Variants in TNFRSF1B observed in about 807,000 individuals in gnomAD.
TNFRSF1B encodes the protein TNF receptor superfamily member 1B, also known as tumor necrosis factor receptor superfamily member 1B.
A neutral mutation model predicts 44.6 loss-of-function variants in TNFRSF1B; 19 were observed. The ratio of observed to expected loss-of-function variants is 0.43; its 90% CI spans 0.30 to 0.62. The LOEUF is 0.62. TNFRSF1B is among the 20% of genes least tolerant of loss of function. TNFRSF1B has a pLI of 0.16. For synonymous variants in TNFRSF1B, 252 were observed against 261.1 expected, an observed-to-expected ratio of 0.97 and a Z score of 0.34; for missense variants, 541 against 619.9, an observed-to-expected ratio of 0.87 and a Z score of 1.35.
intron 1 of TNFRSF1B, among the ~76,000 whole-genome samples, chr1:12,183,728 TCTA>T (rs1557629154): frequency 7.3e-5 from 9 of 124,122 alleles, no homozygotes; most frequent in East Asian, 4.5e-4. Context: ...TACCTATCTA[TCTA>T]TCTATCTATC....
intron 1 of TNFRSF1B, 45 bp from the exon 2 acceptor site, chr1:12,188,751 C>T (rs1487185071): frequency 6.3e-7 from 1 of 1,585,222 alleles, no homozygotes. Flanking sequence ...ATGGCAGAAC[C>T]CAGGGGCGGC....
At chr1:12,189,309 A>C (rs1639058849) in intron 2 of TNFRSF1B, among the ~76,000 whole-genome samples, 1 of 152,160 alleles carries the variant, frequency 6.6e-6, no homozygotes, top group Non-Finnish European at 1.5e-5. Flanking sequence ...TTCCCATGGA[A>C]GCTCTTTCCT....
chr1:12,194,950 C>G (rs1489919864), intron 8 of TNFRSF1B, among the ~76,000 whole-genome samples: 2 of 152,230 alleles, frequency 1.3e-5, no homozygotes, highest in Admixed American at 6.5e-5. Flanking sequence ...TCTGCTCGAT[C>G]CAGCCTGCAG....
chr1:12,201,928 G>A, intron 8 of TNFRSF1B, 39 bp from the exon 9 acceptor site: 2 of 1,541,350 alleles, frequency 1.3e-6, no homozygotes, highest in South Asian at 1.2e-5. Context: ...GCTGGCTGGT[G>A]GGCTGACTGC....
intron 1 of TNFRSF1B, among the ~76,000 whole-genome samples, chr1:12,176,277 C>A (rs1439790814): frequency 6.6e-6 from 1 of 152,180 alleles, no homozygotes; most frequent in African/African-American, 2.4e-5. Flanking sequence ...TTAGGACTGT[C>A]CCAGCTGTCC....
intron 6 of TNFRSF1B, among the ~76,000 whole-genome samples, chr1:12,193,522 C>G (rs1343659240): frequency 6.6e-6 from 1 of 152,164 alleles, no homozygotes; most frequent in African/African-American, 2.4e-5. Context: ...GCATTGAGCT[C>G]TGATCGTGCC....
chr1:12,174,155 CTTCTT>C (rs1570125145), intron 1 of TNFRSF1B, among the ~76,000 whole-genome samples: 16 of 100,812 alleles, frequency 1.6e-4, no homozygotes, highest in South Asian at 3.2e-4. Context: ...TCTTCTTCTT[CTTCTT>C]CTTCTCCTTC....
rs1415378563 is a variant in TNFRSF1B at position 12,199,651 on chromosome 1, C to T, written c.901-2316C>T. On this transcript the variant is annotated intron_variant, in intron 8 of 9. Coordinates refer to ENST00000376259, the MANE Select transcript of TNFRSF1B (RefSeq NM_001066.3). The surrounding 1 kb of genome is among the most constrained non-coding windows in gnomAD (Gnocchi z 4.0). ...CCTGGTACTCGCATCTGTTCTCAGA[C>T]CACATCTGGAATTGTAGCTCCCTCT... 6.6e-6 allele frequency among the ~76,000 whole-genome samples: 1 copy of T among 152,236 alleles called. No individual in the cohort carries two copies. Among genetic ancestry groups the T allele is most frequent in the Admixed American group, 6.5e-5 (1 of 15,290 alleles).
At chr1:12,185,593 A>ACTT (rs2101097298) in intron 1 of TNFRSF1B, among the ~76,000 whole-genome samples, 1 of 152,290 alleles carries the variant, frequency 6.6e-6, no homozygotes, top group Non-Finnish European at 1.5e-5. Flanking sequence ...GACGGGGGTT[A>ACTT]CTTCTTCAGA....
intron 1 of TNFRSF1B, among the ~76,000 whole-genome samples, chr1:12,182,695 G>T (rs1397860411): frequency 6.6e-6 from 1 of 152,254 alleles, no homozygotes; most frequent in Non-Finnish European, 1.5e-5. Context: ...GTGGAACTAG[G>T]ATTTTATACA....
At position 12,199,567 on chromosome 1, in the gene TNFRSF1B, C is replaced by T. The variant is rs1018444288; in HGVS notation, c.901-2400C>T. On this transcript the variant is annotated intron_variant, in intron 8 of 9. Coordinates refer to ENST00000376259, the MANE Select transcript of TNFRSF1B (RefSeq NM_001066.3). The surrounding 1 kb of genome is among the most constrained non-coding windows in gnomAD (Gnocchi z 4.0). ...CTTGGGGAATTAAGGGTGCAGGTGG[C>T]GCTCAGGTGTCCGAGAAGCCATGGG... Among the ~76,000 whole-genome samples, 17 of 152,276 alleles carry T rather than the reference C, an allele frequency of 1.1e-4. No homozygotes were observed. The highest frequency in any genetic ancestry group is 8.5e-4 in the Admixed American group (13 of 15,286).
intron 9 of TNFRSF1B, among the ~76,000 whole-genome samples, chr1:12,205,157 CTAGAG>C (rs1158425033): frequency 6.6e-6 from 1 of 152,070 alleles, no homozygotes; most frequent in Non-Finnish European, 1.5e-5. Context: ...GTAAATGTCT[CTAGAG>C]AGGGAGGCCA....
intron 1 of TNFRSF1B, among the ~76,000 whole-genome samples, chr1:12,174,181 T>C (rs1638594470): frequency 2.4e-5 from 2 of 83,910 alleles, no homozygotes; most frequent in South Asian, 4.4e-4. Flanking sequence ...TCCTTCTCCT[T>C]CTCCTTCTCC....
At chr1:12,176,129 G>A (rs567109365) in intron 1 of TNFRSF1B, among the ~76,000 whole-genome samples, 1 of 152,226 alleles carries the variant, frequency 6.6e-6, no homozygotes, top group South Asian at 2.1e-4. Flanking sequence ...TGAGGTATGA[G>A]AATCACTTGA....
intron 2 of TNFRSF1B, 28 bp downstream of exon 2, chr1:12,188,923 G>T: frequency 6.2e-7 from 1 of 1,603,780 alleles, no homozygotes; most frequent in Non-Finnish European, 8.5e-7. Flanking sequence ...GGCACTCGGG[G>T]CCCATGCCCT....
At chr1:12,175,787 C>T (rs915771057) in intron 1 of TNFRSF1B, among the ~76,000 whole-genome samples, 1 of 152,124 alleles carries the variant, frequency 6.6e-6, no homozygotes, top group African/African-American at 2.4e-5. Flanking sequence ...TTTTCTTGTC[C>T]CCTTCCTGAT....
intron 9 of TNFRSF1B, among the ~76,000 whole-genome samples, chr1:12,205,331 A>G (rs1311652496): frequency 1.3e-5 from 2 of 151,436 alleles, no homozygotes; most frequent in Non-Finnish European, 2.9e-5. Context: ...GCTGGAAGGA[A>G]CCCCATCAAG....
intron 8 of TNFRSF1B, among the ~76,000 whole-genome samples, chr1:12,200,962 A>T (rs773314709): frequency 6.6e-6 from 1 of 152,050 alleles, no homozygotes; most frequent in Non-Finnish European, 1.5e-5. Flanking sequence ...CATTTAAAAC[A>T]TGAAAACCAG....
chr1:12,197,892 G>A (rs536263425), intron 8 of TNFRSF1B, among the ~76,000 whole-genome samples: 4 of 152,012 alleles, frequency 2.6e-5, no homozygotes, highest in Non-Finnish European at 5.9e-5. Context: ...TTGGGAGGCC[G>A]AGGGGGGCGG....
Sources: gnomAD v4.1 joint callset for allele counts (sites outside exome capture counted in the v4.1 genomes callset) on GRCh38, gnomAD v4.1.1 for gene constraint, Gnocchi (gnomAD v3.1) non-coding constraint, MANE v1.5 for transcripts, NCBI Gene and HGNC (gene_info 2026-07-23, HGNC 2026-07-21) for gene names.